PAX8: variants seen among roughly 807,000 people sequenced by gnomAD.
PAX8 encodes the protein paired box protein Pax-8.
PAX8 carries 15 observed loss-of-function variants against 52.4 expected under a neutral mutation model. The observed-to-expected ratio is 0.29, with a 90% CI of 0.19 to 0.44. The LOEUF is 0.44. Among genes scored for constraint, PAX8 ranks in the 20% least tolerant of loss-of-function variants. The probability of loss-of-function intolerance (pLI) is 1.00; values close to 1 mark genes in which losing one functional copy is unlikely to be tolerated. For synonymous variants in PAX8, 284 were observed against 249.7 expected (o/e 1.14, Z -1.29); for missense variants, 554 against 602.5 (o/e 0.92, Z 0.84).
rs1043201231 is a variant in PAX8 at position 113,234,700 on chromosome 2, A to G, written c.1087+694T>C. 2.6e-5 allele frequency among the ~76,000 whole-genome samples: 4 copies of G among 151,964 alleles called. No homozygotes were observed. In the East Asian group the frequency reaches 7.8e-4, roughly 29 times the overall value. On this transcript the variant is annotated intron_variant, in intron 9 of 11. Transcript: ENST00000429538. ...CACACCCCCTAATTTTTTGAATTTT[A>G]GTAGAGATGGGGTTTCATCATCTTG...
chr2:113,272,721 G>A (rs1186821515), intron 2 of PAX8: 1 of 152,218 alleles, frequency 6.6e-6, no homozygotes, highest in East Asian at 1.9e-4. Context: ...TAGGCAGAAT[G>A]TGTTAGCTCC....
rs1013186340 is a variant in PAX8 at position 113,263,061 on chromosome 2, C to T, written c.25+15309G>A. ...TGCTCTCCTAGGGTAACTGGCTGCC[C>T]CTCCAGTTCCCTCCAAATGACTCTT... On this transcript the variant is annotated intron_variant, in intron 2 of 11. Coordinates refer to ENST00000429538, the MANE Select transcript of PAX8 (RefSeq NM_003466.4). 3.3e-5 allele frequency among the ~76,000 whole-genome samples: 5 copies of T among 152,318 alleles called. No individual in the cohort carries two copies. In the East Asian group the frequency reaches 9.6e-4, roughly 29 times the overall value.
chr2:113,245,830 A>C (rs1187265416), intron 3 of PAX8, among the ~76,000 whole-genome samples: 1 of 152,206 alleles, frequency 6.6e-6, no homozygotes, highest in Non-Finnish European at 1.5e-5. Context: ...GCAAAGGATC[A>C]TGCCTTTCCC....
Position 113,227,276 on chromosome 2 carries a change from A to G in PAX8, c.1088-20T>C. On this transcript the variant is annotated intron_variant, in intron 9 of 11. Transcript: ENST00000429538. ...CTCGCCCTGGAAAAATACAGCAAAG[A>G]GTCGTCAGTTGGACCATGGGGGCTC... is the stretch of plus-strand genomic sequence containing the variant. The G allele has an allele frequency of 6.3e-7, 1 of 1,588,770 alleles. No homozygotes were observed. The highest frequency in any genetic ancestry group is 8.6e-7 in the Non-Finnish European group (1 of 1,166,016).
At chr2:113,225,391 T>A (rs964055659) in intron 10 of PAX8, among the ~76,000 whole-genome samples, 1 of 152,218 alleles carries the variant, frequency 6.6e-6, no homozygotes, top group Admixed American at 6.5e-5. Flanking sequence ...GAGACGGACA[T>A]AGAATTTTTC....
intron 8 of PAX8, 30 bp downstream of exon 8, chr2:113,236,571 C>T (rs1274414472): frequency 1.3e-6 from 2 of 1,548,884 alleles, no homozygotes; most frequent in East Asian, 4.9e-5. Flanking sequence ...CCCCGCCCTC[C>T]ACCTGCCAGG....
chr2:113,249,991 G>A (rs963789096), intron 2 of PAX8, among the ~76,000 whole-genome samples: 1 of 152,138 alleles, frequency 6.6e-6, no homozygotes, highest in African/African-American at 2.4e-5. Context: ...AGGGGGGCTG[G>A]GTGTGGTGGC....
At position 113,242,673 on chromosome 2, in the gene PAX8, G is replaced by C. The variant is rs770128061; in HGVS notation, c.478+17C>G. On this transcript the variant is annotated intron_variant, in intron 5 of 11. Coordinates refer to ENST00000429538, the MANE Select transcript of PAX8 (RefSeq NM_003466.4). ...GTACACGAGCATGTGTGTGTATCCA[G>C]GTCTCTCAGCACTCACTCAGCGTGT... The C allele has an allele frequency of 6.4e-7, 1 of 1,573,086 alleles. No homozygotes were observed. Among genetic ancestry groups the C allele is most frequent in the African/African-American group, 1.4e-5 (1 of 74,058 alleles).
At chr2:113,227,421 T>C (rs904487194) in intron 9 of PAX8, among the ~76,000 whole-genome samples, 165 bp from the exon 10 acceptor site, 2 of 152,236 alleles carry the variant, frequency 1.3e-5, no homozygotes, top group Non-Finnish European at 2.9e-5. Flanking sequence ...CCCAAGTTCT[T>C]TTCACCTCTG....
At chr2:113,227,003 C>T (rs1573413123) in intron 10 of PAX8, 152 bp downstream of exon 10, 19 of 1,528,842 alleles carry the variant, frequency 1.2e-5, no homozygotes, top group East Asian at 2.5e-5. Flanking sequence ...CGTCTCCAGG[C>T]ATTTACAAGG....
At chr2:113,263,239 T>C in intron 2 of PAX8, 1 of 152,500 alleles carries the variant, frequency 6.6e-6, no homozygotes, top group South Asian at 2.1e-4. Flanking sequence ...TTGCATCATG[T>C]GGCAATGTTT....
chr2:113,278,152 G>C (rs757313996), intron 2 of PAX8, among the ~76,000 whole-genome samples: 2 of 152,192 alleles, frequency 1.3e-5, no homozygotes, highest in East Asian at 1.9e-4. Flanking sequence ...CCTCGAAACC[G>C]GGCAAGGGCG....
chr2:113,264,411 T>A (rs968687402), intron 2 of PAX8, among the ~76,000 whole-genome samples: 5 of 152,226 alleles, frequency 3.3e-5, no homozygotes, highest in Non-Finnish European at 7.3e-5. Context: ...AATAGAAAAG[T>A]AATATAGCAA....
chr2:113,276,253 C>T (rs1476304827), intron 2 of PAX8: 1 of 152,158 alleles, frequency 6.6e-6, no homozygotes, highest in Non-Finnish European at 1.5e-5. Context: ...TCAGGTTTGC[C>T]GAGGGAGGGT....
chr2:113,270,841 TG>T, intron 2 of PAX8: 1 of 139,568 alleles, frequency 7.2e-6, no homozygotes, highest in East Asian at 2.0e-4. Flanking sequence ...ATGAGTATTG[TG>T]GCTGAAGATG....
chr2:113,239,253 A>G (rs1690621670), intron 7 of PAX8: 1 of 152,144 alleles, frequency 6.6e-6, no homozygotes, highest in Non-Finnish European at 1.5e-5. Context: ...TTTTTAGTAG[A>G]GATGGGATTT....
chr2:113,237,804 C>T (rs1434615038), intron 7 of PAX8: 1 of 152,202 alleles, frequency 6.6e-6, no homozygotes, highest in Non-Finnish European at 1.5e-5. Flanking sequence ...GTGAGATGTG[C>T]AAAGCTGAAT....
At chr2:113,268,980 G>GAA (rs1693288452) in intron 2 of PAX8, 2 of 152,270 alleles carry the variant, frequency 1.3e-5, no homozygotes, top group African/African-American at 4.8e-5. Flanking sequence ...TGGGCCATGG[G>GAA]GACCTTCCTG....
chr2:113,222,623 C>T (rs575773540), intron 10 of PAX8, among the ~76,000 whole-genome samples: 1 of 152,296 alleles, frequency 6.6e-6, no homozygotes, highest in Non-Finnish European at 1.5e-5. Flanking sequence ...CTCCAATGAT[C>T]CCGTTTTCTG....
Sources: gnomAD v4.1 joint callset for allele counts (sites outside exome capture counted in the v4.1 genomes callset) on GRCh38, gnomAD v4.1.1 for gene constraint, MANE v1.5 for transcripts, NCBI Gene and HGNC (gene_info 2026-07-23, HGNC 2026-07-21) for gene names.